Variants in GLRA2 observed in about 807,000 individuals in gnomAD.
GLRA2 encodes the protein glycine receptor alpha 2, also known as glycine receptor subunit alpha-2.
GLRA2 carries 11 observed loss-of-function variants against 31.6 expected under a neutral mutation model. The ratio of observed to expected loss-of-function variants is 0.35; its 90% CI spans 0.22 to 0.58. The LOEUF (loss-of-function observed/expected upper bound fraction) is 0.58. Ranked by LOEUF, GLRA2 falls within the 20% of genes least tolerant of loss-of-function variation. The probability of loss-of-function intolerance (pLI) is 0.84; values close to 1 mark genes in which losing one functional copy is unlikely to be tolerated. For synonymous variants in GLRA2, 132 were observed against 134.0 expected (o/e 0.99, Z 0.10); for missense variants, 212 against 351.8 (o/e 0.60, Z 3.18).
chrX:14,704,597 A>C (rs2091593766), intron 8 of GLRA2, among the ~76,000 whole-genome samples: 1 of 111,968 alleles, frequency 8.9e-6, no homozygotes, highest in African/African-American at 3.3e-5. Flanking sequence ...CAATATGCTT[A>C]AATGGAGTTA....
intron 2 of GLRA2, among the ~76,000 whole-genome samples, chrX:14,534,514 A>G (rs1392086977): frequency 1.8e-5 from 2 of 110,812 alleles, no homozygotes; most frequent in African/African-American, 3.3e-5. Flanking sequence ...TTAGACTACA[A>G]TAATTTTTTC....
intron 7 of GLRA2, among the ~76,000 whole-genome samples, chrX:14,670,179 T>A (rs2091076320): frequency 8.9e-6 from 1 of 111,813 alleles, no homozygotes. Flanking sequence ...CCAACAAGTT[T>A]CTTATCTCCA....
At chrX:14,515,146 T>G in the GLRA2 span, among the ~76,000 whole-genome samples, 38 of 111,884 alleles carry the variant, frequency 3.4e-4, no homozygotes, top group Non-Finnish European at 7.5e-5. Flanking sequence ...AAAATAACTT[T>G]GCAGATATAT....
At chrX:14,522,557 A>G in the GLRA2 span, among the ~76,000 whole-genome samples, 9 of 112,433 alleles carry the variant, frequency 8.0e-5, no homozygotes, top group East Asian at 2.5e-3. Context: ...CAGCTCCATT[A>G]GAGGAATCAC....
chrX:14,719,596 C>T (rs748578759), intron 8 of GLRA2, among the ~76,000 whole-genome samples: 1 of 111,630 alleles, frequency 9.0e-6, no homozygotes, highest in Non-Finnish European at 1.9e-5. Context: ...CTCTTATATA[C>T]TGTTGGTGGG....
chrX:14,520,917 GT>G, the GLRA2 span, among the ~76,000 whole-genome samples: 3 of 112,672 alleles, frequency 2.7e-5, no homozygotes, highest in Non-Finnish European at 5.6e-5. Context: ...ACTATGCTTT[GT>G]TTTCGTCATT....
chrX:14,539,212 TG>T (rs1327129718), intron 2 of GLRA2, among the ~76,000 whole-genome samples: 2 of 110,993 alleles, frequency 1.8e-5, no homozygotes, highest in Non-Finnish European at 3.8e-5. Flanking sequence ...TTCTTGATGG[TG>T]TTGGATATTT....
chrX:14,607,871 C>G (rs2090353097), intron 6 of GLRA2, among the ~76,000 whole-genome samples: 1 of 110,899 alleles, frequency 9.0e-6, no homozygotes, highest in Non-Finnish European at 1.9e-5. Flanking sequence ...GAAGGAAGAA[C>G]TTGAGGTGGT....
At chrX:14,727,192 CCA>C (rs1349322689) in intron 8 of GLRA2, among the ~76,000 whole-genome samples, 2 of 111,287 alleles carry the variant, frequency 1.8e-5, no homozygotes, top group African/African-American at 6.5e-5. Flanking sequence ...GTTCTCATCC[CCA>C]GAGACTGGTC....
chrX:14,698,594 C>G (rs1050865413), intron 8 of GLRA2, among the ~76,000 whole-genome samples: 13 of 98,170 alleles, frequency 1.3e-4, no homozygotes, highest in African/African-American at 4.6e-4. Context: ...AGGAGAATCA[C>G]TTGAACCCGG....
intron 2 of GLRA2, among the ~76,000 whole-genome samples, chrX:14,551,578 C>T (rs535554598): frequency 7.2e-5 from 8 of 111,574 alleles, no homozygotes; most frequent in African/African-American, 2.6e-4. Context: ...TTGTCTCTGA[C>T]TAACGGCATT....
intron 2 of GLRA2, among the ~76,000 whole-genome samples, chrX:14,547,084 A>G (rs1482519408): frequency 3.6e-5 from 4 of 111,816 alleles, no homozygotes; most frequent in Non-Finnish European, 7.5e-5. Flanking sequence ...GACACCTTTA[A>G]AAAATATTAT....
At chrX:14,681,988 T>C (rs2091217105) in intron 7 of GLRA2, among the ~76,000 whole-genome samples, 1 of 80,879 alleles carries the variant, frequency 1.2e-5, no homozygotes, top group South Asian at 5.4e-4. Context: ...TATGTATTTA[T>C]ATATGTATGT....
At chrX:14,675,866 A>T (rs2091140054) in intron 7 of GLRA2, among the ~76,000 whole-genome samples, 1 of 112,516 alleles carries the variant, frequency 8.9e-6, no homozygotes, top group African/African-American at 3.2e-5. Context: ...GATCAAACAG[A>T]AAAAGCAAAG....
At chrX:14,681,339 C>T (rs367710834) in intron 7 of GLRA2, among the ~76,000 whole-genome samples, 6 of 111,544 alleles carry the variant, frequency 5.4e-5, no homozygotes, top group African/African-American at 2.0e-4. Context: ...ATATTTCCTT[C>T]CTTTCCTTCC....
At chrX:14,609,623 TA>T (rs2090377006) in intron 7 of GLRA2, among the ~76,000 whole-genome samples, 1 of 111,327 alleles carries the variant, frequency 9.0e-6, no homozygotes, top group African/African-American at 3.3e-5. Flanking sequence ...TTTATAGTAA[TA>T]AAAATTTGAA....
At chrX:14,506,451 C>A in the GLRA2 span, among the ~76,000 whole-genome samples, 1 of 111,396 alleles carries the variant, frequency 9.0e-6, no homozygotes, top group Non-Finnish European at 1.9e-5. Flanking sequence ...TGTTGGCTTC[C>A]AATGTGAGTT....
At chrX:14,615,407 CAG>C (rs2090444128) in intron 7 of GLRA2, among the ~76,000 whole-genome samples, 1 of 112,011 alleles carries the variant, frequency 8.9e-6, no homozygotes, top group Non-Finnish European at 1.9e-5. Context: ...CCCCTACCCT[CAG>C]GGGCTTGTAA....
chrX:14,525,420 T>A (rs1287162648), upstream of GLRA2, among the ~76,000 whole-genome samples: 3 of 111,714 alleles, frequency 2.7e-5, no homozygotes, highest in Non-Finnish European at 5.7e-5. Context: ...AAACATGAAT[T>A]TTAACAGTAA....
Sources: gnomAD v4.1 joint callset for allele counts (sites outside exome capture counted in the v4.1 genomes callset) on GRCh38, gnomAD v4.1.1 for gene constraint, MANE v1.5 for transcripts, NCBI Gene and HGNC (gene_info 2026-07-23, HGNC 2026-07-21) for gene names.